Variants in DPP6 observed in about 807,000 individuals in gnomAD.
DPP6 encodes A-type potassium channel modulatory protein DPP6.
DPP6 carries 69 observed loss-of-function variants against 122.6 expected under a neutral mutation model. That is an observed-to-expected ratio of 0.56 (90% confidence interval 0.46 to 0.69). The LOEUF is 0.69. Ranked by LOEUF, DPP6 falls within the 30% of genes least tolerant of loss-of-function variation. The probability of loss-of-function intolerance (pLI) is 0.00; values close to 1 mark genes in which losing one functional copy is unlikely to be tolerated. For missense variants in DPP6, 928 were observed against 1,116.9 expected, an observed-to-expected ratio of 0.83 and a Z score of 2.41; for synonymous variants, 418 against 433.1, an observed-to-expected ratio of 0.97 and a Z score of 0.43.
chr7:153,797,194 A>C, the DPP6 span, among the ~76,000 whole-genome samples: 1 of 152,202 alleles, frequency 6.6e-6, no homozygotes, highest in African/African-American at 2.4e-5. Flanking sequence ...ACTCTGAGCC[A>C]CAGGATAAAA....
chr7:154,609,961 T>C (rs1833804353), intron 5 of DPP6, among the ~76,000 whole-genome samples: 1 of 152,244 alleles, frequency 6.6e-6, no homozygotes, highest in African/African-American at 2.4e-5. Context: ...TTGACCCTTG[T>C]CTTCAATATC....
chr7:153,799,258 T>A, the DPP6 span, among the ~76,000 whole-genome samples: 1 of 152,242 alleles, frequency 6.6e-6, no homozygotes, highest in East Asian at 1.9e-4. Context: ...TTCCATGGTA[T>A]CTTTCAGACT....
intron 16 of DPP6, among the ~76,000 whole-genome samples, chr7:154,852,986 C>A (rs1199641258): frequency 1.3e-5 from 2 of 152,188 alleles, no homozygotes; most frequent in Non-Finnish European, 2.9e-5. Flanking sequence ...TGCCTCCAGC[C>A]CTGCAGGAAG....
At chr7:154,551,287 G>A (rs1196600713) in intron 4 of DPP6, among the ~76,000 whole-genome samples, 2 of 152,140 alleles carry the variant, frequency 1.3e-5, no homozygotes, top group Admixed American at 1.3e-4. Flanking sequence ...GCAAATGCAG[G>A]TGGGGAAAAA....
chr7:153,875,296 A>AT, the DPP6 span, among the ~76,000 whole-genome samples: 1 of 152,138 alleles, frequency 6.6e-6, no homozygotes, highest in African/African-American at 2.4e-5. Context: ...ATATAAGGAC[A>AT]TTTTTTTGAA....
the DPP6 span, among the ~76,000 whole-genome samples, chr7:153,837,837 A>T: frequency 8.7e-5 from 7 of 80,634 alleles, no homozygotes; most frequent in East Asian, 3.6e-4. Context: ...TGCCTGGTTA[A>T]TTTTTTTTTT....
At chr7:154,550,944 G>A (rs923209708) in intron 4 of DPP6, among the ~76,000 whole-genome samples, 2 of 151,780 alleles carry the variant, frequency 1.3e-5, no homozygotes, top group South Asian at 4.2e-4. Context: ...TAGAGACAGG[G>A]TTTCACCATA....
intron 1 of DPP6, among the ~76,000 whole-genome samples, chr7:154,407,629 A>G (rs1816228814): frequency 6.6e-6 from 1 of 152,188 alleles, no homozygotes; most frequent in Admixed American, 6.5e-5. Context: ...CCAATTTAAA[A>G]TTTTGGATTT....
At chr7:154,351,630 C>T (rs967409129) in intron 1 of DPP6, among the ~76,000 whole-genome samples, 3 of 152,128 alleles carry the variant, frequency 2.0e-5, no homozygotes, top group Admixed American at 2.0e-4. Context: ...GGCAGGAGAG[C>T]CTGGAATGTG....
intron 1 of DPP6, among the ~76,000 whole-genome samples, chr7:154,251,493 G>A (rs1228381482): frequency 6.6e-6 from 1 of 152,188 alleles, no homozygotes; most frequent in Non-Finnish European, 1.5e-5. Flanking sequence ...ATATAAAAGG[G>A]AGTTAATTAA....
rs556969291 is a variant in DPP6 at position 154,046,626 on chromosome 7, C to T, written c.51+158892C>T. ...GAACATCTGAAAAGGGGGTTTGTCA[C>T]GTAAAGGAAGACTCTTTCCTCTTCC... On this transcript the variant is annotated intron_variant, in intron 1 of 25. Transcript: ENST00000404039. 1.2e-4 allele frequency among the ~76,000 whole-genome samples: 18 copies of T among 152,268 alleles called. No homozygotes were observed. In the South Asian group the frequency reaches 3.5e-3, roughly 30 times the overall value.
At chr7:154,787,698 C>A (rs934798203) in intron 10 of DPP6, among the ~76,000 whole-genome samples, 1 of 152,112 alleles carries the variant, frequency 6.6e-6, no homozygotes, top group Non-Finnish European at 1.5e-5. Context: ...ATGTGTGAAG[C>A]CCTATGTAAG....
chr7:154,089,306 T>C lies in DPP6; in HGVS notation c.243+36243T>C, dbSNP rs183975027. Among the ~76,000 whole-genome samples the C allele has an allele frequency of 1.9e-3, 279 of 147,812 alleles. 1 individual carries two copies. The highest frequency in any genetic ancestry group is 5.6e-3 in the Admixed American group (82 of 14,668). On this transcript the variant is annotated intron_variant, in intron 1 of 25. Transcript: ENST00000377770. ...TAAGACGTTCAAATAGAGACTGCTG[T>C]CCAATTATTGCCAATGCTAGGGAGG... is the stretch of plus-strand genomic sequence containing the variant.
chr7:154,037,272 T>C (rs1799582290), intron 1 of DPP6, among the ~76,000 whole-genome samples: 1 of 152,170 alleles, frequency 6.6e-6, no homozygotes, highest in Admixed American at 6.5e-5. Context: ...TTATATTCTA[T>C]GAATTTACTT....
chr7:154,311,794 G>A (rs1806917923), intron 1 of DPP6, among the ~76,000 whole-genome samples: 1 of 152,134 alleles, frequency 6.6e-6, no homozygotes, highest in African/African-American at 2.4e-5. Context: ...CCATGGTTTA[G>A]CACCATTTTC....
intron 1 of DPP6, among the ~76,000 whole-genome samples, chr7:154,133,163 GTTA>G (rs763982686): frequency 6.6e-6 from 1 of 152,202 alleles, no homozygotes; most frequent in Non-Finnish European, 1.5e-5. Flanking sequence ...AATAAGTCAT[GTTA>G]TTATATACCT....
intron 1 of DPP6, among the ~76,000 whole-genome samples, chr7:154,276,598 T>C (rs908140119): frequency 1.3e-5 from 2 of 152,184 alleles, no homozygotes; most frequent in Non-Finnish European, 2.9e-5. Flanking sequence ...GGACCTCTGC[T>C]CAGCTTTAAG....
intron 2 of DPP6, among the ~76,000 whole-genome samples, chr7:154,451,805 CT>C (rs1007888741): frequency 3.9e-5 from 6 of 152,214 alleles, no homozygotes; most frequent in Non-Finnish European, 8.8e-5. Flanking sequence ...CTTGCTTCAC[CT>C]TTTGGTTCTG....
chr7:153,842,472 T>G, the DPP6 span, among the ~76,000 whole-genome samples: 3 of 152,102 alleles, frequency 2.0e-5, no homozygotes, highest in African/African-American at 7.2e-5. Flanking sequence ...TTTTTTATTT[T>G]TCTATTTTGC....
Sources: allele counts gnomAD v4.1 joint callset (sites outside exome capture counted in the v4.1 genomes callset), GRCh38; gene constraint gnomAD v4.1.1; transcripts MANE v1.5; gene names NCBI Gene and HGNC (gene_info 2026-07-23, HGNC 2026-07-21).